SUGCT: variants seen among roughly 807,000 people sequenced by gnomAD.
SUGCT encodes succinyl-CoA:glutarate CoA-transferase.
Under a neutral mutation model 55.0 loss-of-function variants are expected in SUGCT, and 41 were observed. The ratio of observed to expected loss-of-function variants is 0.74; its 90% confidence interval spans 0.58 to 0.97. The LOEUF is 0.97. Among genes scored for constraint, SUGCT ranks in the 50% least tolerant of loss-of-function variants. The pLI is 0.00. For missense variants in SUGCT, 568 were observed against 547.8 expected, an observed-to-expected ratio of 1.04 and a Z score of -0.37; for synonymous variants, 187 against 200.4, an observed-to-expected ratio of 0.93 and a Z score of 0.56.
At chr7:40,998,517 T>C in the SUGCT span, among the ~76,000 whole-genome samples, 2 of 152,168 alleles carry the variant, frequency 1.3e-5, no homozygotes, top group Admixed American at 1.3e-4. Flanking sequence ...TTGTCTTATT[T>C]GGGAAAATTT....
At chr7:40,718,881 A>G (rs1425904543) in intron 12 of SUGCT, among the ~76,000 whole-genome samples, 1 of 152,226 alleles carries the variant, frequency 6.6e-6, no homozygotes, top group Non-Finnish European at 1.5e-5. Flanking sequence ...ATCTTTTCCC[A>G]CAGACTATAT....
At chr7:40,836,974 G>C (rs188969482) in intron 13 of SUGCT, among the ~76,000 whole-genome samples, 3 of 151,978 alleles carry the variant, frequency 2.0e-5, no homozygotes, top group African/African-American at 7.3e-5. Flanking sequence ...TTGCTATATC[G>C]TATAGTCAAT....
intron 11 of SUGCT, among the ~76,000 whole-genome samples, chr7:40,488,102 T>C (rs1241083302): frequency 6.6e-6 from 1 of 151,176 alleles, no homozygotes; most frequent in Non-Finnish European, 1.5e-5. Context: ...ATTTCAGTCA[T>C]TGTTTTGTAG....
At chr7:40,983,565 C>A in the SUGCT span, among the ~76,000 whole-genome samples, 1 of 152,192 alleles carries the variant, frequency 6.6e-6, no homozygotes. Context: ...CTTCTGTTCT[C>A]CCACTCCTTT....
At chr7:40,194,606 T>G (rs1786134929) in intron 5 of SUGCT, among the ~76,000 whole-genome samples, 1 of 152,234 alleles carries the variant, frequency 6.6e-6, no homozygotes, top group African/African-American at 2.4e-5. Context: ...TGTTTTTCAT[T>G]GATTTAGTGT....
intron 9 of SUGCT, among the ~76,000 whole-genome samples, chr7:40,370,662 CAG>C (rs1448296509): frequency 6.7e-6 from 1 of 149,030 alleles, no homozygotes; most frequent in African/African-American, 2.5e-5. Flanking sequence ...GAGATGGAGA[CAG>C]AGAGACATTT....
chr7:40,616,003 C>G (rs1798985435), intron 12 of SUGCT, among the ~76,000 whole-genome samples: 1 of 152,148 alleles, frequency 6.6e-6, no homozygotes, highest in Admixed American at 6.5e-5. Context: ...TCACCTGTTT[C>G]TTTTCCCTCA....
intron 12 of SUGCT, among the ~76,000 whole-genome samples, chr7:40,660,070 A>G (rs1801229155): frequency 6.6e-6 from 1 of 152,252 alleles, no homozygotes; most frequent in Admixed American, 6.5e-5. Context: ...TAACAAATTA[A>G]CACCAAAATT....
At chr7:40,522,863 G>T (rs1233932610) in intron 12 of SUGCT, among the ~76,000 whole-genome samples, 1 of 151,992 alleles carries the variant, frequency 6.6e-6, no homozygotes, top group Non-Finnish European at 1.5e-5. Context: ...TATAGGTGAG[G>T]CTCTTAAGAA....
chr7:40,847,117 G>A (rs7808678), intron 13 of SUGCT, among the ~76,000 whole-genome samples: 33,178 of 152,170 alleles, frequency 0.22, 4,774 homozygotes, highest in East Asian at 0.8. Flanking sequence ...CTAGATTAAT[G>A]AGTTTCTCCT....
chr7:40,472,850 C>G (rs1028406840), intron 11 of SUGCT, among the ~76,000 whole-genome samples: 1 of 152,092 alleles, frequency 6.6e-6, no homozygotes, highest in African/African-American at 2.4e-5. Flanking sequence ...TTGACTTTCA[C>G]TTTGCGTGAA....
chr7:40,820,597 A>T lies in SUGCT; in HGVS notation c.1154-39719A>T, dbSNP rs1393837899. ...TTATTGGTGTATAGGAATGCTTGTG[A>T]TTTTTGCAGATTGATTTTGTATCCT... is the stretch of plus-strand genomic sequence containing the variant. On this transcript the variant is annotated intron_variant, in intron 13 of 13. Transcript: ENST00000335693. 2.0e-5 allele frequency among the ~76,000 whole-genome samples: 3 copies of T among 152,258 alleles called. No individual in the cohort carries two copies. In the East Asian group the frequency reaches 5.8e-4, roughly 29 times the overall value.
chr7:40,981,711 C>T, the SUGCT span, among the ~76,000 whole-genome samples: 1 of 152,164 alleles, frequency 6.6e-6, no homozygotes, highest in Non-Finnish European at 1.5e-5. Flanking sequence ...TCACAAGTTC[C>T]ACCTTCTACA....
intron 9 of SUGCT, among the ~76,000 whole-genome samples, chr7:40,407,727 C>T (rs1186028314): frequency 2.6e-5 from 4 of 151,484 alleles, no homozygotes; most frequent in Non-Finnish European, 2.9e-5. Context: ...AATTAAGAGT[C>T]CCCCCCTCCC....
At chr7:40,696,045 C>A (rs1233982316) in intron 12 of SUGCT, among the ~76,000 whole-genome samples, 2 of 152,200 alleles carry the variant, frequency 1.3e-5, no homozygotes, top group African/African-American at 4.8e-5. Flanking sequence ...ACCAACCCAT[C>A]CTACAGTTCT....
At chr7:40,911,581 A>AG in the SUGCT span, among the ~76,000 whole-genome samples, 2 of 151,622 alleles carry the variant, frequency 1.3e-5, no homozygotes, top group Admixed American at 6.6e-5. Flanking sequence ...AAAAAAAAAA[A>AG]AAAGTCTCTC....
the SUGCT span, among the ~76,000 whole-genome samples, chr7:40,904,678 G>A: frequency 6.6e-6 from 1 of 152,130 alleles, no homozygotes; most frequent in Non-Finnish European, 1.5e-5. Flanking sequence ...AAATGGTTGA[G>A]ATGATACATG....
chr7:40,862,731 GT>G (rs200059575), downstream of SUGCT, among the ~76,000 whole-genome samples: 31,550 of 134,262 alleles, frequency 0.23, 3,992 homozygotes, highest in East Asian at 0.67. Context: ...TCTTTTTCTT[GT>G]TTTTTTTTTT....
intron 12 of SUGCT, among the ~76,000 whole-genome samples, chr7:40,727,373 A>G (rs967910479): frequency 3.9e-5 from 6 of 152,230 alleles, no homozygotes; most frequent in Non-Finnish European, 8.8e-5. Context: ...TTTGCCAAGC[A>G]TCTTTCTTCA....
Sources: allele counts gnomAD v4.1 joint callset (sites outside exome capture counted in the v4.1 genomes callset), GRCh38; gene constraint gnomAD v4.1.1; transcripts MANE v1.5; gene names NCBI Gene and HGNC (gene_info 2026-07-23, HGNC 2026-07-21).